The following SLC15A2 variants were observed in gnomAD, a reference collection of about 807,000 sequenced individuals.
SLC15A2 encodes solute carrier family 15 member 2, also known as kidney H(+)/peptide cotransporter.
Under a neutral mutation model 95.5 loss-of-function variants are expected in SLC15A2, and 77 were observed. The observed-to-expected ratio is 0.81, with a 90% CI of 0.67 to 0.97. The LOEUF (loss-of-function observed/expected upper bound fraction) is 0.97. SLC15A2 is among the 50% of genes least tolerant of loss of function. SLC15A2 has a pLI of 0.00. For synonymous variants in SLC15A2, 306 were observed against 306.9 expected (o/e 1.00, Z 0.03); for missense variants, 893 against 874.4 (o/e 1.02, Z -0.27).
At chr3:121,939,530 C>T (rs1460751326) in intron 20 of SLC15A2, 35 bp downstream of exon 20, 5 of 1,465,254 alleles carry the variant, frequency 3.4e-6, no homozygotes, top group Non-Finnish European at 4.5e-6. Flanking sequence ...GAAATTGAGG[C>T]ATTGCTTGAA....
At chr3:121,903,616 C>A (rs1709564405) in intron 3 of SLC15A2, among the ~76,000 whole-genome samples, 1 of 152,072 alleles carries the variant, frequency 6.6e-6, no homozygotes, top group Admixed American at 6.5e-5. Context: ...GAATCCTTTC[C>A]CCATTGCTTG....
intron 1 of SLC15A2, 22 bp downstream of exon 1, chr3:121,894,603 T>TCTGATTGGAATG: frequency 6.3e-7 from 1 of 1,585,942 alleles, no homozygotes; most frequent in Non-Finnish European, 8.7e-7. Flanking sequence ...GATTCAATCC[T>TCTGATTGGAATG]GCCTCTGAGA....
At chr3:121,904,598 A>G (rs1709593373) in intron 3 of SLC15A2, among the ~76,000 whole-genome samples, 1 of 152,168 alleles carries the variant, frequency 6.6e-6, no homozygotes, top group Non-Finnish European at 1.5e-5. Flanking sequence ...TTCTGCATCT[A>G]TTGAGATAAT....
At position 121,922,276 on chromosome 3, in the gene SLC15A2, G is replaced by A; in HGVS notation, c.754G>A (p.Val252Met). The A allele has an allele frequency of 6.2e-7, 1 of 1,613,942 alleles. No homozygotes were observed. The highest frequency in any genetic ancestry group is 8.5e-7 in the Non-Finnish European group (1 of 1,179,862). ...YNKPPPEGNI[V>M]AQVFKCIWFA... is the part of the protein sequence containing the mutation. ...TAAACCACCCCCTGAAGGAAACATA[G>A]TGGCTCAAGTTTTCAAATGTATCTG... The change falls in exon 8 of 22, where the codon GTG becomes ATG. Residue 252 changes from valine (V) to methionine (M), a missense_variant. Coordinates refer to ENST00000489711, the MANE Select transcript of SLC15A2 (RefSeq NM_021082.4).
At position 121,897,438 on chromosome 3, in the gene SLC15A2, T is replaced by G. The variant is rs778031016; in HGVS notation, c.244T>G (p.Ser82Ala). 1 of 1,614,120 alleles carries G rather than the reference T, an allele frequency of 6.2e-7. No homozygotes were observed. The highest frequency in any genetic ancestry group is 1.1e-5 in the South Asian group (1 of 91,082). ...LYFLHWNEDT[S>A]TSIYHAFSSL... ...TTTCCTGCACTGGAATGAAGATACC[T>G]CCACATCTATATACCATGCCTTCAG... Residue 82 changes from serine (S) to alanine (A), a missense_variant, in exon 3 of 22, where the codon TCC becomes GCC. Ser to Ala is a moderately conservative substitution (Grantham distance 99). Transcript: ENST00000489711.
chr3:121,923,176 C>G, intron 10 of SLC15A2, 46 bp from the exon 11 acceptor site: 1 of 1,613,462 alleles, frequency 6.2e-7, no homozygotes. Flanking sequence ...AGCCACTTCC[C>G]TCTCACAGGA....
chr3:121,897,329 C>T, intron 2 of SLC15A2, 59 bp from the exon 3 acceptor site: 1 of 1,575,716 alleles, frequency 6.3e-7, no homozygotes, highest in African/African-American at 1.4e-5. Context: ...TTCCATAAGT[C>T]ACTTTAATGC....
rs183538781 is a variant in SLC15A2 at position 121,904,264 on chromosome 3, G to T, written c.335+6735G>T. ...GGAGATTTTGGGCTGAGACAGTGGG[G>T]TTTTCTAGATATACAATCATGTCAT... On this transcript the variant is annotated intron_variant, in intron 3 of 21. Transcript: ENST00000489711. Among the ~76,000 whole-genome samples, 126 of 152,226 alleles carry T rather than the reference G, an allele frequency of 8.3e-4. 2 individuals are homozygous for T. In the South Asian group the frequency reaches 9.1e-3, roughly 11 times the overall value.
At chr3:121,934,333 A>G (rs1383668354) in intron 19 of SLC15A2, among the ~76,000 whole-genome samples, 1 of 152,172 alleles carries the variant, frequency 6.6e-6, no homozygotes, top group Non-Finnish European at 1.5e-5. Context: ...GATGGCATTG[A>G]ATCTATAAAT....
chr3:121,924,911 T>G, intron 12 of SLC15A2, 34 bp from the exon 13 acceptor site: 2 of 1,451,832 alleles, frequency 1.4e-6, no homozygotes, highest in Non-Finnish European at 1.9e-6. Context: ...TAGGAGAATA[T>G]TTGTAGCTAA....
At position 121,896,444 on chromosome 3, in the gene SLC15A2, C is replaced by T. The variant is rs1381395164; in HGVS notation, c.144C>T (p.Phe48=). The change falls in exon 2 of 22, where the codon TTC becomes TTT. Residue 48 remains phenylalanine (F), a synonymous_variant. Transcript: ENST00000489711. ...CCAACTATCCACTGAGCATTGCCTT[C>T]ATTGTGGTGAATGAATTCTGCGAGC... ...CGSNYPLSIA[F]IVVNEFCERF... is the part of the protein sequence containing the mutation. The T allele has an allele frequency of 3.7e-6, 6 of 1,614,134 alleles. No individual in the cohort carries two copies. Among genetic ancestry groups the T allele is most frequent in the Non-Finnish European group, 5.1e-6 (6 of 1,179,990 alleles).
chr3:121,919,694 C>T (rs865778093), intron 7 of SLC15A2, among the ~76,000 whole-genome samples: 1 of 152,098 alleles, frequency 6.6e-6, no homozygotes, highest in East Asian at 1.9e-4. Context: ...CACTGGGACC[C>T]GTCCGTGTCT....
At chr3:121,929,448 C>T (rs1453987603) in intron 17 of SLC15A2, 100 bp downstream of exon 17, 7 of 1,298,468 alleles carry the variant, frequency 5.4e-6, no homozygotes, top group Non-Finnish European at 7.7e-6. Context: ...ACAGGAATTC[C>T]CTCTCGTAGA....
intron 1 of SLC15A2, among the ~76,000 whole-genome samples, chr3:121,896,048 T>C (rs12629742): frequency 0.21 from 31,372 of 152,154 alleles, 4,054 homozygotes; most frequent in Admixed American, 0.35. Flanking sequence ...AGGTATTCCA[T>C]AGGCTACCTC....
At chr3:121,927,586 A>C (rs1302742931) in intron 13 of SLC15A2, 172 bp from the exon 14 acceptor site, 1 of 550,548 alleles carries the variant, frequency 1.8e-6, no homozygotes. Context: ...GTAAAGCTAC[A>C]GAACCATAAG....
intron 1 of SLC15A2, among the ~76,000 whole-genome samples, chr3:121,895,553 C>T (rs994198055): frequency 6.6e-6 from 1 of 152,018 alleles, no homozygotes; most frequent in Non-Finnish European, 1.5e-5. Flanking sequence ...TTTAGGGCTA[C>T]TTGCAAAGAT....
intron 19 of SLC15A2, among the ~76,000 whole-genome samples, chr3:121,936,608 A>C (rs186514103): frequency 4.5e-4 from 63 of 140,522 alleles, no homozygotes; most frequent in South Asian, 1.8e-3. Context: ...TTTTTTTTCC[A>C]TTTGCTTGGT....
Position 121,929,338 on chromosome 3 carries a change from A to T in SLC15A2, c.1543A>T (p.Thr515Ser). Residue 515 changes from threonine to serine, a missense_variant, in exon 17 of 22, where the codon ACA (threonine) becomes TCA (serine). By Grantham distance (58) the Thr-to-Ser change is moderately conservative (BLOSUM62 1). Coordinates refer to ENST00000489711, the MANE Select transcript of SLC15A2 (RefSeq NM_021082.4). ...AGAAAGCAGAACAACCAATGGGATG[A>T]CAACCGTGAGGTTTGAATGTCAATG... ...DTESRTTNGM[T>S]TVRFVNTLHK... is the part of the protein sequence containing the mutation. 1 of 1,613,978 alleles carries T rather than the reference A, an allele frequency of 6.2e-7. No individual in the cohort carries two copies. Among genetic ancestry groups the T allele is most frequent in the East Asian group, 2.2e-5 (1 of 44,872 alleles).
chr3:121,914,096 T>C (rs1055558573), intron 5 of SLC15A2, among the ~76,000 whole-genome samples: 1 of 152,208 alleles, frequency 6.6e-6, no homozygotes, highest in African/African-American at 2.4e-5. Flanking sequence ...TTATACTCTT[T>C]ATCTGTCAAA....
Sources: allele counts gnomAD v4.1 joint callset (sites outside exome capture counted in the v4.1 genomes callset), GRCh38; gene constraint gnomAD v4.1.1; transcripts MANE v1.5; gene names NCBI Gene and HGNC (gene_info 2026-07-23, HGNC 2026-07-21).